SNX8: variants seen among roughly 807,000 people sequenced by gnomAD.
The protein encoded by SNX8 is sorting nexin-8.
Under a neutral mutation model 51.6 loss-of-function variants are expected in SNX8, and 25 were observed. That is an observed-to-expected ratio of 0.48 (90% confidence interval 0.35 to 0.68). The LOEUF (loss-of-function observed/expected upper bound fraction) is 0.68. SNX8 is among the 30% of genes least tolerant of loss of function. The pLI is 0.00. For missense variants in SNX8, 695 were observed against 624.0 expected (o/e 1.11, Z -1.21); for synonymous variants, 324 against 277.0 (o/e 1.17, Z -1.68).
chr7:2,267,329 C>CCCCTCTCCCTCT (rs1258985437), intron 5 of SNX8, among the ~76,000 whole-genome samples: 1 of 131,268 alleles, frequency 7.6e-6, no homozygotes, highest in Non-Finnish European at 1.6e-5. Flanking sequence ...CCTCCCCCTC[C>CCCCTCTCCCTCT]CCCTCTCCCT....
chr7:2,344,599 G>A (rs1024890494), intron 1 of SNX8, among the ~76,000 whole-genome samples: 3 of 125,946 alleles, frequency 2.4e-5, no homozygotes, highest in Non-Finnish European at 4.8e-5. Context: ...GTGACAGAGC[G>A]AGACTCCAAC....
intron 4 of SNX8, 38 bp from the exon 5 acceptor site, chr7:2,269,677 T>TA: frequency 6.9e-7 from 1 of 1,445,422 alleles, no homozygotes; most frequent in Non-Finnish European, 9.5e-7. Context: ...CCTCTTCTAC[T>TA]AGCAGCAAGA....
Position 2,254,749 on chromosome 7 carries a change from T to C in SNX8, c.*307A>G, listed in dbSNP as rs117700491. 5.1e-3 allele frequency: 2,183 copies of C among 431,464 alleles called. 17 individuals are homozygous for C. Among genetic ancestry groups the C allele is most frequent in the Non-Finnish European group, 7.6e-3 (1,783 of 235,808 alleles). 26.7% of individuals were successfully genotyped at this position (431,464 alleles called of 1,614,324 possible). ...TGCCTCCACGCTCCCCCAGGCACAA[T>C]CTCTGTGAGATGAGAGATCCCTGCC... On this transcript the variant is annotated 3_prime_UTR_variant, in exon 11 of 11. Coordinates refer to ENST00000222990, the MANE Select transcript of SNX8 (RefSeq NM_013321.4).
chr7:2,259,886 G>A (rs746098939), intron 7 of SNX8, among the ~76,000 whole-genome samples: 6 of 152,128 alleles, frequency 3.9e-5, no homozygotes, highest in Non-Finnish European at 5.9e-5. Context: ...TAAACCAGGG[G>A]TGTCCAATGT....
At chr7:2,346,050 T>C (rs1357273110) in intron 1 of SNX8, among the ~76,000 whole-genome samples, 2 of 152,102 alleles carry the variant, frequency 1.3e-5, no homozygotes, top group Non-Finnish European at 2.9e-5. Context: ...TCAAGTGATC[T>C]GCCTGCTCAG....
chr7:2,310,553 G>A (rs1275014853), intron 1 of SNX8, among the ~76,000 whole-genome samples: 1 of 152,144 alleles, frequency 6.6e-6, no homozygotes, highest in African/African-American at 2.4e-5. Flanking sequence ...AGATCATGAG[G>A]TCAGGAGATC....
At chr7:2,261,259 C>G (rs1301916042) in intron 7 of SNX8, among the ~76,000 whole-genome samples, 1 of 152,140 alleles carries the variant, frequency 6.6e-6, no homozygotes, top group African/African-American at 2.4e-5. Flanking sequence ...ACGGTGAAAC[C>G]CCATCTCTAC....
chr7:2,292,679 G>A (rs930407004), intron 1 of SNX8, among the ~76,000 whole-genome samples: 1 of 152,146 alleles, frequency 6.6e-6, no homozygotes, highest in African/African-American at 2.4e-5. Flanking sequence ...CCGAAGTGCT[G>A]GGATTACAGG....
At chr7:2,273,902 T>TAA (rs560129465) in intron 3 of SNX8, among the ~76,000 whole-genome samples, 11 of 125,910 alleles carry the variant, frequency 8.7e-5, no homozygotes, top group African/African-American at 1.7e-4. Flanking sequence ...AGACTCCATG[T>TAA]AAAAAAAAAA....
chr7:2,259,407 C>T (rs902168866), intron 7 of SNX8, among the ~76,000 whole-genome samples: 1 of 152,222 alleles, frequency 6.6e-6, no homozygotes, highest in Non-Finnish European at 1.5e-5. Context: ...GGGCTCCACC[C>T]GTGGTAGGGG....
intron 1 of SNX8, among the ~76,000 whole-genome samples, chr7:2,291,802 C>A (rs771526154): frequency 1.8e-4 from 28 of 152,296 alleles, no homozygotes; most frequent in Admixed American, 9.8e-4. Flanking sequence ...GCTTCACTCT[C>A]CTTTTTGAAC....
intron 1 of SNX8, among the ~76,000 whole-genome samples, chr7:2,302,025 C>G (rs1259895805): frequency 6.6e-6 from 1 of 152,098 alleles, no homozygotes; most frequent in Non-Finnish European, 1.5e-5. Flanking sequence ...GGCAGATCAC[C>G]AGGTCAAGAG....
intron 5 of SNX8, among the ~76,000 whole-genome samples, 173 bp downstream of exon 5, chr7:2,269,386 C>CCCCTGCCT (rs1346331547): frequency 1.7e-4 from 26 of 150,610 alleles, no homozygotes; most frequent in African/African-American, 6.3e-4. Flanking sequence ...CGGAAGGCCG[C>CCCCTGCCT]AGGGTCCTCT....
intron 1 of SNX8, among the ~76,000 whole-genome samples, chr7:2,284,677 T>C (rs548787740): frequency 7.9e-4 from 120 of 151,508 alleles, no homozygotes; most frequent in Non-Finnish European, 1.3e-3. Context: ...GTGCTGGGAT[T>C]ACAGGCGTGA....
At chr7:2,313,437 A>AATC (rs1219721679) in intron 1 of SNX8, among the ~76,000 whole-genome samples, 1 of 151,548 alleles carries the variant, frequency 6.6e-6, no homozygotes, top group African/African-American at 2.4e-5. Context: ...GAGGCAGGAG[A>AATC]ATCGCTTGAA....
chr7:2,338,080 C>T (rs911796627), intron 1 of SNX8, among the ~76,000 whole-genome samples: 13 of 152,266 alleles, frequency 8.5e-5, no homozygotes, highest in African/African-American at 2.9e-4. Flanking sequence ...AATCCTAACA[C>T]TTTGGGAAGC....
In SNX8 at chr7:2,269,279, G is replaced by A. The variant is rs533628696; in HGVS notation, c.621+280C>T. ...CAGGGTTAAATGGATTAAGGGCGGTGCAGGATGTGCTTTGTTAAACAGATG... is the reference window on the plus strand; with the variant it reads ...CAGGGTTAAATGGATTAAGGGCGGTACAGGATGTGCTTTGTTAAACAGATG... On this transcript the variant is annotated intron_variant, in intron 5 of 10. Transcript: ENST00000222990. Among the ~76,000 whole-genome samples the A allele has an allele frequency of 9.2e-5, 14 of 151,470 alleles. No individual in the cohort carries two copies. The East Asian group carries it at 2.7e-3, about 29-fold the overall frequency.
At chr7:2,282,206 A>G (rs191255127) in intron 1 of SNX8, among the ~76,000 whole-genome samples, 1 of 152,254 alleles carries the variant, frequency 6.6e-6, no homozygotes, top group African/African-American at 2.4e-5. Flanking sequence ...AGATCTACCC[A>G]CTAAAACTCA....
chr7:2,272,069 G>C, intron 3 of SNX8, 98 bp from the exon 4 acceptor site: 1 of 1,524,376 alleles, frequency 6.6e-7, no homozygotes, highest in Non-Finnish European at 8.9e-7. Flanking sequence ...AGGTGGCAGA[G>C]GGCCCAGCGG....
Sources: allele counts gnomAD v4.1 joint callset (sites outside exome capture counted in the v4.1 genomes callset), GRCh38; gene constraint gnomAD v4.1.1; transcripts MANE v1.5; gene names NCBI Gene and HGNC (gene_info 2026-07-23, HGNC 2026-07-21).